Variants in CHSY3 observed in about 807,000 individuals in gnomAD.
CHSY3 encodes the protein chondroitin sulfate synthase 3.
Under a neutral mutation model 67.2 loss-of-function variants are expected in CHSY3, and 35 were observed. That is an observed-to-expected ratio of 0.52 (90% CI 0.40 to 0.69). The LOEUF is 0.69. Among genes scored for constraint, CHSY3 ranks in the 30% least tolerant of loss-of-function variants. The pLI is 0.00. For synonymous variants in CHSY3, 474 were observed against 434.7 expected, an observed-to-expected ratio of 1.09 and a Z score of -1.12; for missense variants, 1,069 against 1,138.5, an observed-to-expected ratio of 0.94 and a Z score of 0.88.
intron 2 of CHSY3, among the ~76,000 whole-genome samples, chr5:130,110,626 C>T (rs1365528801): frequency 2.6e-5 from 4 of 151,892 alleles, no homozygotes; most frequent in Non-Finnish European, 4.4e-5. Context: ...TGGATACTTA[C>T]ATGCAGGTTT....
At chr5:130,152,112 A>T (rs1006890141) in intron 2 of CHSY3, among the ~76,000 whole-genome samples, 14 of 152,220 alleles carry the variant, frequency 9.2e-5, no homozygotes, top group African/African-American at 3.1e-4. Flanking sequence ...GGACTCTTTT[A>T]AGAAAAAGTC....
At chr5:130,089,233 GT>G (rs1766787473) in intron 2 of CHSY3, among the ~76,000 whole-genome samples, 1 of 97,186 alleles carries the variant, frequency 1.0e-5, no homozygotes, top group Non-Finnish European at 1.9e-5. Context: ...GGGGTGGGGG[GT>G]GGGGGGAGGG....
At chr5:129,973,657 G>A (rs1762709531) in intron 2 of CHSY3, among the ~76,000 whole-genome samples, 1 of 151,978 alleles carries the variant, frequency 6.6e-6, no homozygotes, top group South Asian at 2.1e-4. Context: ...AATTTTTACA[G>A]GCATTGCCTT....
At chr5:129,926,072 C>A (rs1423878305) in intron 2 of CHSY3, among the ~76,000 whole-genome samples, 3 of 151,948 alleles carry the variant, frequency 2.0e-5, no homozygotes, top group Non-Finnish European at 4.4e-5. Flanking sequence ...GATTTACCAG[C>A]CCTTGAATGC....
At chr5:129,936,831 C>T (rs544459023) in intron 2 of CHSY3, among the ~76,000 whole-genome samples, 6 of 152,250 alleles carry the variant, frequency 3.9e-5, no homozygotes, top group African/African-American at 1.2e-4. Context: ...GCATTCTGGC[C>T]ATAGGCTCCT....
At chr5:130,150,201 T>TA (rs1039444766) in intron 2 of CHSY3, among the ~76,000 whole-genome samples, 3 of 152,144 alleles carry the variant, frequency 2.0e-5, no homozygotes, top group Non-Finnish European at 4.4e-5. Flanking sequence ...AAACAGAAGA[T>TA]ACACACTGTA....
Position 130,028,916 on chromosome 5 carries a change from C to T in CHSY3, c.1086+120556C>T, listed in dbSNP as rs1764631963. The stretch of plus-strand genomic sequence containing the variant: ...CCTCTTTGTCTCTCCCCCACATCTG[C>T]TTCTCCTACTGATTCCTCACCACCT... On this transcript the variant is annotated intron_variant, in intron 2 of 2. Transcript: ENST00000305031. Among the ~76,000 whole-genome samples the T allele has an allele frequency of 3.3e-5, 5 of 152,088 alleles. No homozygotes were observed. In the South Asian group the frequency reaches 8.3e-4, roughly 25 times the overall value.
rs142967583 is a variant in CHSY3 at position 130,159,958 on chromosome 5, C to T, written c.1087-24271C>T. Among the ~76,000 whole-genome samples, 96 of 152,056 alleles carry T rather than the reference C, an allele frequency of 6.3e-4. No homozygotes were observed. The East Asian group carries it at 0.011, about 18-fold the overall frequency. On this transcript the variant is annotated intron_variant, in intron 2 of 2. Coordinates refer to ENST00000305031, the MANE Select transcript of CHSY3 (RefSeq NM_175856.5). ...AGTAGCATTTTTTTTTGAAGAAAAT[C>T]AAAGGCAACACAGTGGTTTGAATGG...
chr5:130,149,612 T>C (rs566805052), intron 2 of CHSY3, among the ~76,000 whole-genome samples: 2 of 152,258 alleles, frequency 1.3e-5, no homozygotes, highest in East Asian at 3.9e-4. Flanking sequence ...CAACATGAGA[T>C]TTGGGCAGGG....
At position 130,185,370 on chromosome 5, in the gene CHSY3, A is replaced by G; in HGVS notation, c.2228A>G (p.Tyr743Cys). The change falls in exon 3 of 3, where the codon TAT (tyrosine) becomes TGT (cysteine). Residue 743 changes from tyrosine to cysteine, a missense_variant. Around this residue, in one of 5 missense-constraint regions of CHSY3, gnomAD observed 4 missense variants for 16.5 expected, o/e 0.24. Transcript: ENST00000305031. ...DNTIQGQQVYYPIIFSQYDPK... is the reference protein window; with the variant it reads ...DNTIQGQQVYCPIIFSQYDPK... ...ACAATTCAGGGACAACAGGTGTACTATCCCATCATCTTTAGCCAGTATGAC... is the reference window on the plus strand; with the variant it reads ...ACAATTCAGGGACAACAGGTGTACTGTCCCATCATCTTTAGCCAGTATGAC... 1 of 1,604,052 alleles carries G rather than the reference A, an allele frequency of 6.2e-7. No individual in the cohort carries two copies. The highest frequency in any genetic ancestry group is 8.5e-7 in the Non-Finnish European group (1 of 1,170,758).
chr5:130,157,700 T>G (rs1425718071), intron 2 of CHSY3, among the ~76,000 whole-genome samples: 1 of 152,150 alleles, frequency 6.6e-6, no homozygotes, highest in African/African-American at 2.4e-5. Flanking sequence ...CAAGAAAGAA[T>G]TCGAGGTGAA....
chr5:130,012,701 A>G (rs1019758354), intron 2 of CHSY3, among the ~76,000 whole-genome samples: 1 of 152,100 alleles, frequency 6.6e-6, no homozygotes, highest in African/African-American at 2.4e-5. Context: ...CACTTCCCAC[A>G]AGATTCCTCG....
At chr5:130,162,556 ACGGGGTCTTGTTCTGTCAC>A (rs1453863022) in intron 2 of CHSY3, among the ~76,000 whole-genome samples, 1 of 152,066 alleles carries the variant, frequency 6.6e-6, no homozygotes. Context: ...TATTTAAGAA[ACGGGGTCTTGTTCTGTCAC>A]CCAGGATGGA....
At chr5:130,072,465 T>C (rs750500792) in intron 2 of CHSY3, among the ~76,000 whole-genome samples, 2 of 152,142 alleles carry the variant, frequency 1.3e-5, no homozygotes, top group African/African-American at 4.8e-5. Flanking sequence ...AATCTATTGA[T>C]AGTAAATACT....
intron 2 of CHSY3, among the ~76,000 whole-genome samples, chr5:130,093,900 A>T (rs1001922635): frequency 3.3e-5 from 5 of 152,196 alleles, no homozygotes; most frequent in African/African-American, 4.8e-5. Flanking sequence ...CTGCATAAAA[A>T]GTACCACATC....
chr5:129,911,060 A>T (rs1273914634), intron 2 of CHSY3, among the ~76,000 whole-genome samples: 2 of 149,564 alleles, frequency 1.3e-5, no homozygotes, highest in Admixed American at 1.3e-4. Flanking sequence ...CATGTTCATG[A>T]TTTTTAAGTT....
intron 2 of CHSY3, among the ~76,000 whole-genome samples, chr5:130,173,734 C>A (rs148080923): frequency 2.0e-5 from 3 of 151,994 alleles, no homozygotes; most frequent in African/African-American, 7.2e-5. Context: ...AAGCTGTATA[C>A]GCTCTTTAAC....
intron 2 of CHSY3, among the ~76,000 whole-genome samples, chr5:129,926,462 G>A (rs548459428): frequency 6.6e-5 from 10 of 152,016 alleles, no homozygotes; most frequent in Admixed American, 5.2e-4. Context: ...ACTGAGAGCA[G>A]CATAACCTTG....
intron 2 of CHSY3, among the ~76,000 whole-genome samples, chr5:130,116,751 C>T (rs896741174): frequency 6.6e-6 from 1 of 152,076 alleles, no homozygotes; most frequent in African/African-American, 2.4e-5. Flanking sequence ...TATCAGCAAG[C>T]GAAGGTCAGA....
Sources: gnomAD v4.1 joint callset for allele counts (sites outside exome capture counted in the v4.1 genomes callset) on GRCh38, gnomAD v4.1.1 for gene constraint, gnomAD v4.1.1 regional missense constraint, MANE v1.5 for transcripts, NCBI Gene and HGNC (gene_info 2026-07-23, HGNC 2026-07-21) for gene names.